Variants in FBXW4 observed in about 807,000 individuals in gnomAD.
FBXW4 encodes the protein F-box and WD repeat domain containing 4.
FBXW4 carries 40 observed loss-of-function variants against 61.8 expected under a neutral mutation model. The observed-to-expected ratio is 0.65, with a 90% CI of 0.50 to 0.84. The LOEUF (loss-of-function observed/expected upper bound fraction) is 0.84. Ranked by LOEUF, FBXW4 falls within the 40% of genes least tolerant of loss-of-function variation. The probability of loss-of-function intolerance (pLI) is 0.00; values close to 1 mark genes in which losing one functional copy is unlikely to be tolerated. For missense variants in FBXW4, 672 were observed against 753.8 expected (o/e 0.89, Z 1.27); for synonymous variants, 311 against 313.8 (o/e 0.99, Z 0.10).
In FBXW4 at chr10:101,652,950, C is replaced by T. The variant is rs889987606; in HGVS notation, c.1235+14936G>A. Among the ~76,000 whole-genome samples, 4 of 152,156 alleles carry T rather than the reference C, an allele frequency of 2.6e-5. 1 individual carries two copies. Among genetic ancestry groups the T allele is most frequent in the Admixed American group, 2.0e-4 (3 of 15,286 alleles). On this transcript the variant is annotated intron_variant, in intron 5 of 8. Transcript: ENST00000331272. The stretch of plus-strand genomic sequence containing the variant: ...CTGAATTGTCCTTTGGTGCTAATCC[C>T]TCACATTATTTCAACTGTTGTCCCT...
chr10:101,639,034 T>C (rs2064028204), intron 5 of FBXW4, among the ~76,000 whole-genome samples: 1 of 151,986 alleles, frequency 6.6e-6, no homozygotes, highest in Non-Finnish European at 1.5e-5. Context: ...AAGAAAGGAG[T>C]GCTCCATTTG....
intron 6 of FBXW4, among the ~76,000 whole-genome samples, chr10:101,618,176 A>G (rs896167918): frequency 2.3e-4 from 35 of 152,194 alleles, no homozygotes; most frequent in African/African-American, 8.2e-4. Context: ...ATGCCCTGAT[A>G]CTCACTCATA....
rs138083006 is a variant in FBXW4, at chr10:101,648,330, C to G, written c.1235+19556G>C. Among the ~76,000 whole-genome samples the G allele has an allele frequency of 3.9e-4, 60 of 152,318 alleles. No homozygotes were observed. In the East Asian group the frequency reaches 8.5e-3, roughly 22 times the overall value. On this transcript the variant is annotated intron_variant, in intron 5 of 8. Transcript: ENST00000331272. ...TGAGATGATTGAGATTTTCTACCCC[C>G]TGCTCTTGGGTATAAACTCTCCCAT...
intron 5 of FBXW4, among the ~76,000 whole-genome samples, chr10:101,655,431 A>G (rs1175690046): frequency 3.9e-5 from 6 of 152,214 alleles, no homozygotes; most frequent in Non-Finnish European, 1.5e-5. Context: ...ATTCTCAACC[A>G]CAGCTCACCC....
At chr10:101,622,024 G>A (rs886187499) in intron 6 of FBXW4, among the ~76,000 whole-genome samples, 5 of 152,084 alleles carry the variant, frequency 3.3e-5, no homozygotes, top group Admixed American at 2.6e-4. Context: ...GGGGAAGTAG[G>A]GAGTTTCCCA....
At position 101,689,834 on chromosome 10, in the gene FBXW4, C is replaced by T. The variant is rs374619458; in HGVS notation, c.725+4547G>A. On this transcript the variant is annotated intron_variant, in intron 1 of 8. Transcript: ENST00000331272. ...CGTTAATCATCACTGAAATAGATAC[C>T]CCAGGCCCCCAGCCTCAAAGAGCTC... Among the ~76,000 whole-genome samples, 18 of 152,218 alleles carry T rather than the reference C, an allele frequency of 1.2e-4. No individual in the cohort carries two copies. In the East Asian group the frequency reaches 2.7e-3, roughly 23 times the overall value.
At position 101,618,188 on chromosome 10, in the gene FBXW4, C is replaced by T. The variant is rs2134806049; in HGVS notation, c.1302-5711G>A. On this transcript the variant is annotated intron_variant, in intron 6 of 8. Coordinates refer to ENST00000331272, the MANE Select transcript of FBXW4 (RefSeq NM_022039.4). ...TAGATGCCCTGATACTCACTCATAT[C>T]CTGTGCTCAGTTCAGGATACCAAGG... Among the ~76,000 whole-genome samples the T allele has an allele frequency of 1.3e-5, 2 of 152,356 alleles. 1 individual carries two copies.
At chr10:101,674,013 G>A (rs1182832451) in intron 2 of FBXW4, among the ~76,000 whole-genome samples, 2 of 152,090 alleles carry the variant, frequency 1.3e-5, no homozygotes, top group South Asian at 2.1e-4. Flanking sequence ...AAAATTCAAC[G>A]GTCAAGGGGT....
At chr10:101,669,688 G>A (rs1401663539) in intron 4 of FBXW4, among the ~76,000 whole-genome samples, 1 of 151,986 alleles carries the variant, frequency 6.6e-6, no homozygotes, top group Non-Finnish European at 1.5e-5. Context: ...ACAATATGCT[G>A]ATCCTATCTT....
intron 6 of FBXW4, among the ~76,000 whole-genome samples, chr10:101,618,375 T>G (rs949933426): frequency 2.0e-5 from 3 of 152,154 alleles, no homozygotes; most frequent in East Asian, 1.9e-4. Context: ...CTGTTTATAT[T>G]GAAGAGCGAG....
At chr10:101,631,848 T>G (rs533131721) in intron 5 of FBXW4, among the ~76,000 whole-genome samples, 4 of 152,256 alleles carry the variant, frequency 2.6e-5, no homozygotes, top group Non-Finnish European at 4.4e-5. Flanking sequence ...AGGATGGTCT[T>G]GATCTCCTGA....
chr10:101,695,147 C>T lies in FBXW4; in HGVS notation c.-42G>A. 1.0e-6 allele frequency: 1 copy of T among 985,252 alleles called. No homozygotes were observed. The highest frequency in any genetic ancestry group is 1.2e-6 in the Non-Finnish European group (1 of 830,028). The allele number at this position is 985,252 out of a possible 1,614,324, so 61.0% of individuals were successfully genotyped here. A position where few individuals can be genotyped will look rare whatever the true frequency, so the allele number is the denominator to read the frequency against. ...GGCCCGACGCGGAGCCCAGCCCGAGCCGCCACCGCCGCCGCCCCGGGAGGA... is the reference window on the plus strand; with the variant it reads ...GGCCCGACGCGGAGCCCAGCCCGAGTCGCCACCGCCGCCGCCCCGGGAGGA... On this transcript the variant is annotated 5_prime_UTR_variant, in exon 1 of 9. Transcript: ENST00000331272. This position sits in a 1 kb window ranked among gnomAD's most constrained non-coding sequence, Gnocchi z 4.2.
intron 2 of FBXW4, 78 bp downstream of exon 2, chr10:101,676,263 T>G (rs1225687270): frequency 7.5e-6 from 9 of 1,197,876 alleles, no homozygotes; most frequent in Non-Finnish European, 1.1e-5. Context: ...CATTAGCCTC[T>G]ATGTAGGACC....
At chr10:101,635,215 C>G (rs919736076) in intron 5 of FBXW4, among the ~76,000 whole-genome samples, 1 of 149,196 alleles carries the variant, frequency 6.7e-6, no homozygotes, top group East Asian at 1.9e-4. Context: ...TTTTGAAAAT[C>G]TAATGCCTGA....
intron 5 of FBXW4, among the ~76,000 whole-genome samples, chr10:101,643,982 G>A (rs1391807244): frequency 6.6e-6 from 1 of 152,184 alleles, no homozygotes; most frequent in Non-Finnish European, 1.5e-5. Flanking sequence ...TTGACTTACT[G>A]AAGTTTAACA....
chr10:101,622,665 T>G (rs2063876242), intron 6 of FBXW4, among the ~76,000 whole-genome samples: 1 of 146,890 alleles, frequency 6.8e-6, no homozygotes, highest in Non-Finnish European at 1.5e-5. Context: ...GAGGCAGAGC[T>G]TGCAGTGAGC....
chr10:101,624,898 C>T, intron 5 of FBXW4, 88 bp from the exon 6 acceptor site: 3 of 1,413,218 alleles, frequency 2.1e-6, no homozygotes, highest in Non-Finnish European at 2.0e-6. Context: ...CGTGCTCATT[C>T]CCTAGGGGAT....
At position 101,625,098 on chromosome 10, in the gene FBXW4, C is replaced by G. The variant is rs184170966; in HGVS notation, c.1236-288G>C. On this transcript the variant is annotated intron_variant, in intron 5 of 8. Coordinates refer to ENST00000331272, the MANE Select transcript of FBXW4 (RefSeq NM_022039.4). ...CTCTGCACACCATAAAAACAGATCT[C>G]TAGACGTGACAAGTTTGAGCCCAGG... The G allele has an allele frequency of 1.3e-3, 583 of 439,782 alleles. 14 individuals are homozygous for G. The Admixed American group carries it at 0.02, about 15-fold the overall frequency. The allele number at this position is 439,782 out of a possible 1,614,324, so 27.2% of individuals were successfully genotyped here.
intron 5 of FBXW4, among the ~76,000 whole-genome samples, chr10:101,642,742 G>A (rs749802232): frequency 6.6e-6 from 1 of 152,132 alleles, no homozygotes; most frequent in Non-Finnish European, 1.5e-5. Flanking sequence ...TCACCTCTTT[G>A]GAACATTGGA....
Sources: gnomAD v4.1 joint callset for allele counts (sites outside exome capture counted in the v4.1 genomes callset) on GRCh38, gnomAD v4.1.1 for gene constraint, Gnocchi (gnomAD v3.1) non-coding constraint, MANE v1.5 for transcripts, NCBI Gene and HGNC (gene_info 2026-07-23, HGNC 2026-07-21) for gene names.